CNDP1: variants seen among roughly 807,000 people sequenced by gnomAD.
CNDP1 encodes carnosine dipeptidase 1, also known as beta-Ala-His dipeptidase.
CNDP1 carries 44 observed loss-of-function variants against 58.1 expected under a neutral mutation model. The ratio of observed to expected loss-of-function variants is 0.76; its 90% CI spans 0.60 to 0.97. The LOEUF (loss-of-function observed/expected upper bound fraction) is 0.97, where lower values mean the gene tolerates loss of function less well. Ranked by LOEUF, CNDP1 falls within the 50% of genes least tolerant of loss-of-function variation. CNDP1 has a pLI of 0.00. For synonymous variants in CNDP1, 254 were observed against 252.6 expected (o/e 1.01, Z -0.05); for missense variants, 616 against 655.1 (o/e 0.94, Z 0.65).
intron 1 of CNDP1, among the ~76,000 whole-genome samples, chr18:74,551,909 G>GGA (rs1555708939): frequency 6.7e-5 from 9 of 133,454 alleles, no homozygotes; most frequent in African/African-American, 1.9e-4. Context: ...GATCGATTGC[G>GGA]AAAAAAAAAA....
At position 74,561,008 on chromosome 18, in the gene CNDP1, G is replaced by A. The variant is rs749248603; in HGVS notation, c.456G>A (p.Thr152=). ...DGWLTDPYVL[T]EVDGKLYGRG... is the part of the protein sequence containing the mutation. Reference sequence around the variant, plus strand: ...GGCTCACGGACCCCTATGTGCTGACGGAGGTAGACGGTCAGTGAGGCGCCC... The same window carrying A: ...GGCTCACGGACCCCTATGTGCTGACAGAGGTAGACGGTCAGTGAGGCGCCC... Residue 152 remains threonine, a synonymous_variant, in exon 4 of 12, where the codon ACG becomes ACA. Transcript: ENST00000358821. 1.2e-5 allele frequency: 20 copies of A among 1,611,922 alleles called. No homozygotes were observed. The highest frequency in any genetic ancestry group is 1.7e-5 in the Admixed American group (1 of 59,976).
chr18:74,578,406 G>T, intron 9 of CNDP1, 79 bp downstream of exon 9: 1 of 1,393,694 alleles, frequency 7.2e-7, no homozygotes. Flanking sequence ...TTAGTGAGCA[G>T]TGAGGTTGCT....
chr18:74,534,615 C>A lies in CNDP1; in HGVS notation c.-53C>A, dbSNP rs917021002. ...TGGGGCTTTCATGGGACTCCCTCTG[C>A]CACATTTTTTGGAGGTTGGGAAAGT... On this transcript the variant is annotated 5_prime_UTR_variant, in exon 1 of 12. Transcript: ENST00000358821. 5 of 1,605,474 alleles carry A rather than the reference C, an allele frequency of 3.1e-6. No homozygotes were observed. The highest frequency in any genetic ancestry group is 2.2e-5 in the East Asian group (1 of 44,830).
intron 7 of CNDP1, chr18:74,576,149 TGA>T (rs930515646): frequency 6.6e-6 from 1 of 152,234 alleles, no homozygotes; most frequent in African/African-American, 2.4e-5. Context: ...ATTTCAGGCA[TGA>T]GCCACCGCGC....
chr18:74,580,354 CTT>C, intron 10 of CNDP1, 83 bp downstream of exon 10: 1 of 1,374,422 alleles, frequency 7.3e-7, no homozygotes, highest in Non-Finnish European at 1.0e-6. Context: ...AAAGCAGACA[CTT>C]TTAAAACTCA....
intron 1 of CNDP1, among the ~76,000 whole-genome samples, chr18:74,544,925 GTCC>G (rs1980720769): frequency 6.6e-6 from 1 of 152,012 alleles, no homozygotes; most frequent in Admixed American, 6.6e-5. Flanking sequence ...AAAACTCAGT[GTCC>G]TCCTAAGATG....
rs536310906 is a variant in CNDP1 at position 74,585,570 on chromosome 18, AGAC to A, written c.*1009_*1011del. The A allele has an allele frequency of 7.1e-4, 108 of 152,096 alleles. No individual in the cohort carries two copies. The highest frequency in any genetic ancestry group is 2.1e-3 in the African/African-American group (89 of 41,524). 9.4% of individuals were successfully genotyped at this position (152,096 alleles called of 1,614,324 possible). On this transcript the variant is annotated 3_prime_UTR_variant, in exon 12 of 12. Transcript: ENST00000358821. ...ATTTGACGGTGTAAACAACAAAAAAAGACAGTCATTTTTCTACAGTTGAGTGTA... is the reference window on the plus strand; with the variant it reads ...ATTTGACGGTGTAAACAACAAAAAAAAGTCATTTTTCTACAGTTGAGTGTA...
chr18:74,557,178 A>G (rs897625370), intron 2 of CNDP1, among the ~76,000 whole-genome samples: 1 of 151,108 alleles, frequency 6.6e-6, no homozygotes, highest in African/African-American at 2.4e-5. Flanking sequence ...TCGGCCTCCC[A>G]AAGTGCTGGG....
At chr18:74,547,182 G>A (rs1247334186) in intron 1 of CNDP1, among the ~76,000 whole-genome samples, 1 of 152,224 alleles carries the variant, frequency 6.6e-6, no homozygotes, top group African/African-American at 2.4e-5. Flanking sequence ...AGATAAGCTA[G>A]GCTAATAAAA....
intron 7 of CNDP1, chr18:74,576,325 CT>C (rs139283457): frequency 0.022 from 3,384 of 152,230 alleles, 61 homozygotes; most frequent in Non-Finnish European, 0.036. Context: ...CCACCATGCC[CT>C]GCTAATTTTT....
At chr18:74,574,932 C>T (rs1157023038) in intron 7 of CNDP1, 1 of 150,212 alleles carries the variant, frequency 6.7e-6, no homozygotes, top group African/African-American at 2.5e-5. Flanking sequence ...CACTGCACTC[C>T]AGCCTGGGTG....
chr18:74,541,768 C>A (rs1197421547), intron 1 of CNDP1, among the ~76,000 whole-genome samples: 1 of 152,158 alleles, frequency 6.6e-6, no homozygotes. Flanking sequence ...CCACAATGCC[C>A]CAGTGTTCCA....
rs1981177236 is a variant in CNDP1, at chr18:74,560,916, C to T, written c.364C>T (p.Pro122Ser). 2.5e-6 allele frequency: 4 copies of T among 1,614,138 alleles called. No individual in the cohort carries two copies. Among genetic ancestry groups the T allele is most frequent in the Admixed American group, 1.7e-5 (1 of 60,030 alleles). The change falls in exon 4 of 12, where the codon CCC becomes TCC. Residue 122 changes from proline to serine, a missense_variant. Transcript: ENST00000358821. ...CATCCTGGCCGAACTGGGGAGCGAT[C>T]CCACGAAAGGCACCGTGTGCTTCTA... Reference protein sequence around the residue: ...PVILAELGSDPTKGTVCFYGH... With the variant: ...PVILAELGSDSTKGTVCFYGH...
chr18:74,574,308 A>T (rs761076270), intron 7 of CNDP1, among the ~76,000 whole-genome samples: 23 of 152,256 alleles, frequency 1.5e-4, no homozygotes, highest in Non-Finnish European at 3.4e-4. Context: ...TCCCTGTCTG[A>T]AAAGGGGCTT....
chr18:74,577,617 G>C (rs12104001), intron 8 of CNDP1: 3,578 of 152,720 alleles, frequency 0.023, 45 homozygotes, highest in South Asian at 0.071. Context: ...GGGGCCGAGA[G>C]GGGGAAAAGC....
chr18:74,569,366 A>C (rs150884600), intron 6 of CNDP1, among the ~76,000 whole-genome samples: 1 of 152,324 alleles, frequency 6.6e-6, no homozygotes, highest in East Asian at 1.9e-4. Flanking sequence ...AGAAATTGGT[A>C]ATTGATTGGA....
At position 74,560,890 on chromosome 18, in the gene CNDP1, T is replaced by C. The variant is rs1292187073; in HGVS notation, c.338T>C (p.Val113Ala). The C allele has an allele frequency of 1.2e-6, 2 of 1,613,986 alleles. No individual in the cohort carries two copies. Among genetic ancestry groups the C allele is most frequent in the Non-Finnish European group, 1.7e-6 (2 of 1,180,002 alleles). Residue 113 changes from valine (V) to alanine (A), a missense_variant, in exon 4 of 12, where the codon GTC becomes GCC. Transcript: ENST00000358821. ...GGTCAGAGTCTTCCAATACCTCCCGTCATCCTGGCCGAACTGGGGAGCGAT... is the reference window on the plus strand; with the variant it reads ...GGTCAGAGTCTTCCAATACCTCCCGCCATCCTGGCCGAACTGGGGAGCGAT... ...PDGQSLPIPPVILAELGSDPT... is the reference protein window; with the variant it reads ...PDGQSLPIPPAILAELGSDPT...
intron 10 of CNDP1, among the ~76,000 whole-genome samples, chr18:74,582,005 A>C (rs572543572): frequency 1.3e-5 from 2 of 152,308 alleles, no homozygotes; most frequent in Admixed American, 6.5e-5. Flanking sequence ...GACACGGAAA[A>C]CTACAGATCA....
intron 11 of CNDP1, chr18:74,583,945 T>A (rs8087111): frequency 2.0e-6 from 1 of 499,234 alleles, no homozygotes; most frequent in Admixed American, 3.4e-5. Flanking sequence ...CCTGCGATGG[T>A]GGGGTTAGGT....
Sources: gnomAD v4.1 joint callset for allele counts (sites outside exome capture counted in the v4.1 genomes callset) on GRCh38, gnomAD v4.1.1 for gene constraint, MANE v1.5 for transcripts, NCBI Gene and HGNC (gene_info 2026-07-23, HGNC 2026-07-21) for gene names.